The following FRMD5 variants were observed in gnomAD, a reference collection of about 807,000 sequenced individuals.
The protein encoded by FRMD5 is FERM domain-containing protein 5.
A neutral mutation model predicts 69.0 loss-of-function variants in FRMD5; 20 were observed. That is an observed-to-expected ratio of 0.29 (90% confidence interval 0.20 to 0.42). FRMD5 has a LOEUF of 0.42. Among genes scored for constraint, FRMD5 ranks in the 10% least tolerant of loss-of-function variants. The probability of loss-of-function intolerance (pLI) is 1.00; values close to 1 mark genes in which losing one functional copy is unlikely to be tolerated. For missense variants in FRMD5, 595 were observed against 708.6 expected (o/e 0.84, Z 1.82); for synonymous variants, 271 against 260.1 (o/e 1.04, Z -0.40).
At chr15:43,875,017 G>C (rs879548135) in intron 13 of FRMD5, among the ~76,000 whole-genome samples, 1 of 152,190 alleles carries the variant, frequency 6.6e-6, no homozygotes, top group Admixed American at 6.5e-5. Flanking sequence ...GGCCAACATG[G>C]TGAAACCCCG....
chr15:43,873,228 C>T lies in FRMD5; in HGVS notation c.*657G>A, dbSNP rs548685923. On this transcript the variant is annotated 3_prime_UTR_variant, in exon 14 of 14. Transcript: ENST00000417257. ...GGTCCCTTCAGATGCCCACTCTGCTCAGATTTGAAAAAACAAAAGGAAAAG... is the reference window on the plus strand; with the variant it reads ...GGTCCCTTCAGATGCCCACTCTGCTTAGATTTGAAAAAACAAAAGGAAAAG... 21 of 1,549,862 alleles carry T rather than the reference C, an allele frequency of 1.4e-5. No homozygotes were observed. In the Admixed American group the frequency reaches 1.8e-4, roughly 13 times the overall value.
chr15:43,934,182 C>A (rs774427787), intron 1 of FRMD5, among the ~76,000 whole-genome samples: 2 of 152,188 alleles, frequency 1.3e-5, no homozygotes, highest in Non-Finnish European at 2.9e-5. Flanking sequence ...AGGAAATATG[C>A]TCTGAGCATG....
At chr15:43,876,799 G>A (rs2088372398) in intron 13 of FRMD5, among the ~76,000 whole-genome samples, 1 of 152,166 alleles carries the variant, frequency 6.6e-6, no homozygotes, top group African/African-American at 2.4e-5. Flanking sequence ...AGAAGGAGCT[G>A]GGTCTAGAAT....
At chr15:44,026,144 A>G (rs752149605) in intron 1 of FRMD5, among the ~76,000 whole-genome samples, 3 of 151,980 alleles carry the variant, frequency 2.0e-5, no homozygotes, top group African/African-American at 4.8e-5. Context: ...AGCCTGGCTC[A>G]TTGTTTTTGT....
chr15:43,938,223 C>A, intron 1 of FRMD5, among the ~76,000 whole-genome samples: 1 of 138,294 alleles, frequency 7.2e-6, no homozygotes, highest in African/African-American at 3.0e-5. Context: ...AAGAGCGAGA[C>A]TCCGTCTCAA....
intron 1 of FRMD5, among the ~76,000 whole-genome samples, chr15:44,014,000 G>T (rs1290606204): frequency 6.6e-6 from 1 of 151,968 alleles, no homozygotes; most frequent in Non-Finnish European, 1.5e-5. Context: ...GGGACTACAG[G>T]TGCCTGCCAC....
chr15:43,932,789 A>C (rs535894166), intron 1 of FRMD5, among the ~76,000 whole-genome samples: 4 of 152,332 alleles, frequency 2.6e-5, no homozygotes, highest in South Asian at 4.1e-4. Flanking sequence ...ATTGACAGAT[A>C]AATGAGAGAG....
At chr15:44,188,536 C>T (rs888991280) in intron 1 of FRMD5, among the ~76,000 whole-genome samples, 13 of 152,136 alleles carry the variant, frequency 8.5e-5, no homozygotes, top group African/African-American at 3.1e-4. Flanking sequence ...ACTCCATCCC[C>T]GGAGTTTTTG....
At chr15:44,008,229 T>A (rs1890551517) in intron 1 of FRMD5, among the ~76,000 whole-genome samples, 1 of 149,578 alleles carries the variant, frequency 6.7e-6, no homozygotes, top group South Asian at 2.2e-4. Flanking sequence ...CTGTAAGGCT[T>A]TATTTCTAGA....
In FRMD5 at chr15:43,874,163, GCT is replaced by G. The variant is rs2088251083; in HGVS notation, c.1433_1434del (p.Glu478AlafsTer18). On this transcript the variant is annotated frameshift_variant, in exon 14 of 14. Coordinates refer to ENST00000417257, the MANE Select transcript of FRMD5 (RefSeq NM_032892.5). LOFTEE classifies it high-confidence loss of function. ...TATEVEALGG[E>X]LRALCQGHSG... ...CTGTGCCCCTGACACAGGGCCCTCA[GCT>G]CTCCCCCAAGGGCCTCCACCTCTGT... 1 of 1,614,114 alleles carries G rather than the reference GCT, an allele frequency of 6.2e-7. No individual in the cohort carries two copies. Among genetic ancestry groups the G allele is most frequent in the African/African-American group, 1.3e-5 (1 of 74,936 alleles).
chr15:43,967,755 A>T (rs200594270), intron 1 of FRMD5, among the ~76,000 whole-genome samples: 2 of 151,512 alleles, frequency 1.3e-5, no homozygotes, highest in East Asian at 3.9e-4. Context: ...ATATCTTTAA[A>T]TTTTTTTTTA....
chr15:44,029,322 G>A (rs78187712), intron 1 of FRMD5, among the ~76,000 whole-genome samples: 6 of 149,336 alleles, frequency 4.0e-5, no homozygotes, highest in African/African-American at 4.9e-5. Flanking sequence ...TTGCTTCAAG[G>A]AAAAAAAAAA....
intron 1 of FRMD5, among the ~76,000 whole-genome samples, chr15:44,033,235 A>G (rs1891762953): frequency 6.6e-6 from 1 of 152,156 alleles, no homozygotes; most frequent in Non-Finnish European, 1.5e-5. Context: ...CACTGGGTCT[A>G]CTTGAAGGGG....
chr15:43,991,827 C>T (rs756376464), intron 1 of FRMD5, among the ~76,000 whole-genome samples: 4 of 152,166 alleles, frequency 2.6e-5, no homozygotes, highest in Non-Finnish European at 1.5e-5. Context: ...AATCTTGGTC[C>T]AACATTCTTT....
In FRMD5 at chr15:43,995,557, G is replaced by A. The variant is rs755261043; in HGVS notation, c.103-71248C>T. 2.2e-4 allele frequency among the ~76,000 whole-genome samples: 33 copies of A among 152,128 alleles called. No individual in the cohort carries two copies. The Middle Eastern group carries it at 0.01, about 47-fold the overall frequency. Reference sequence around the variant, plus strand: ...CACTGGTGTCTACAGGAGTGGGTCTGGACCATGGGTCTGCTGAAGCAGGTT... The same window carrying A: ...CACTGGTGTCTACAGGAGTGGGTCTAGACCATGGGTCTGCTGAAGCAGGTT... On this transcript the variant is annotated intron_variant, in intron 1 of 13. Coordinates refer to ENST00000417257, the MANE Select transcript of FRMD5 (RefSeq NM_032892.5).
intron 1 of FRMD5, among the ~76,000 whole-genome samples, chr15:44,114,803 C>T (rs2076846030): frequency 6.6e-6 from 1 of 152,056 alleles, no homozygotes; most frequent in Admixed American, 6.5e-5. Flanking sequence ...CAAACACCTA[C>T]AGGATCAGGA....
At chr15:44,124,858 C>G (rs533297995) in intron 1 of FRMD5, among the ~76,000 whole-genome samples, 72 of 152,092 alleles carry the variant, frequency 4.7e-4, no homozygotes, top group Middle Eastern at 3.4e-3. Context: ...AAGAACATAT[C>G]CAGAAGCCAG....
intron 1 of FRMD5, among the ~76,000 whole-genome samples, chr15:43,999,860 T>C (rs1890098746): frequency 6.8e-6 from 1 of 147,996 alleles, no homozygotes; most frequent in Non-Finnish European, 1.5e-5. Flanking sequence ...ATATCACAGA[T>C]ATATGTGTGA....
intron 1 of FRMD5, among the ~76,000 whole-genome samples, chr15:44,007,265 T>C (rs942514340): frequency 3.3e-5 from 5 of 152,232 alleles, no homozygotes; most frequent in East Asian, 3.8e-4. Flanking sequence ...GACTACAGTA[T>C]AGTGAAACAT....
Sources: allele counts gnomAD v4.1 joint callset (sites outside exome capture counted in the v4.1 genomes callset), GRCh38; gene constraint gnomAD v4.1.1; transcripts MANE v1.5; gene names NCBI Gene and HGNC (gene_info 2026-07-23, HGNC 2026-07-21).